MYRIP: variants seen among roughly 807,000 people sequenced by gnomAD.
MYRIP encodes the protein myosin VIIA and Rab interacting protein, also known as rab effector MyRIP.
MYRIP carries 49 observed loss-of-function variants against 98.0 expected under a neutral mutation model. That is an observed-to-expected ratio of 0.50 (90% CI 0.40 to 0.63). MYRIP has a LOEUF of 0.63. MYRIP is among the 30% of genes least tolerant of loss of function. The probability of loss-of-function intolerance (pLI) is 0.00; values close to 1 mark genes in which losing one functional copy is unlikely to be tolerated. For synonymous variants in MYRIP, 404 were observed against 409.5 expected (o/e 0.99, Z 0.16); for missense variants, 1,004 against 1,058.2 (o/e 0.95, Z 0.71).
chr3:40,238,458 T>C (rs1367017265), intron 12 of MYRIP: 1 of 152,206 alleles, frequency 6.6e-6, no homozygotes, highest in African/African-American at 2.4e-5. Context: ...TCCTCCGCTG[T>C]TCTCCATTGT....
intron 2 of MYRIP, among the ~76,000 whole-genome samples, chr3:39,945,717 A>C (rs1415632593): frequency 6.6e-6 from 1 of 152,104 alleles, no homozygotes; most frequent in Non-Finnish European, 1.5e-5. Context: ...GGTTAAAGGA[A>C]AATGACATTA....
intron 1 of MYRIP, among the ~76,000 whole-genome samples, chr3:39,822,481 C>T (rs1488297369): frequency 1.3e-5 from 2 of 151,132 alleles, no homozygotes; most frequent in Non-Finnish European, 2.9e-5. Flanking sequence ...TTTTTTTTCT[C>T]ATCAGCTCTC....
chr3:40,005,275 C>T (rs1372005834), intron 2 of MYRIP, among the ~76,000 whole-genome samples: 3 of 152,216 alleles, frequency 2.0e-5, no homozygotes, highest in African/African-American at 7.2e-5. Context: ...ATATCATAGG[C>T]TCCTGTCTTA....
intron 1 of MYRIP, among the ~76,000 whole-genome samples, chr3:39,814,775 A>G (rs1940840751): frequency 6.6e-6 from 1 of 152,166 alleles, no homozygotes; most frequent in South Asian, 2.1e-4. Flanking sequence ...CTTCAACATG[A>G]ATTTTAGGAT....
chr3:39,897,190 A>C (rs1428384901), intron 1 of MYRIP, among the ~76,000 whole-genome samples: 3 of 152,254 alleles, frequency 2.0e-5, no homozygotes, highest in African/African-American at 7.2e-5. Flanking sequence ...TTATCAAAGA[A>C]AGAGGTTTCT....
At chr3:39,882,764 A>G (rs1943186160) in intron 1 of MYRIP, among the ~76,000 whole-genome samples, 1 of 152,158 alleles carries the variant, frequency 6.6e-6, no homozygotes, top group Non-Finnish European at 1.5e-5. Context: ...GACTTCTAAT[A>G]AATATGGTAT....
At position 39,900,848 on chromosome 3, in the gene MYRIP, C is replaced by A. The variant is rs199787982; in HGVS notation, c.32C>A (p.Thr11Asn). MGRKLDLSGL[T>N]DDETEHVLQV... ...AGGAAGCTGGACCTGTCTGGTTTGA[C>A]TGATGATGAAACAGAGCATGTTCTT... Residue 11 changes from threonine to asparagine, a missense_variant, in exon 2 of 17, where the codon ACT becomes AAT. Transcript: ENST00000302541. 39 of 1,613,722 alleles carry A rather than the reference C, an allele frequency of 2.4e-5. No homozygotes were observed. Among genetic ancestry groups the A allele is most frequent in the Non-Finnish European group, 3.3e-5 (39 of 1,179,984 alleles).
intron 1 of MYRIP, among the ~76,000 whole-genome samples, chr3:39,840,540 C>T (rs1941769845): frequency 6.6e-6 from 1 of 152,120 alleles, no homozygotes; most frequent in South Asian, 2.1e-4. Flanking sequence ...TTATTTTGCC[C>T]ACTAGTTGAT....
intron 1 of MYRIP, among the ~76,000 whole-genome samples, chr3:39,888,982 C>T (rs1475267313): frequency 6.6e-6 from 1 of 152,102 alleles, no homozygotes; most frequent in African/African-American, 2.4e-5. Flanking sequence ...CAATGAGATA[C>T]CATCTCACAC....
At chr3:39,870,138 A>G (rs892866200) in intron 1 of MYRIP, among the ~76,000 whole-genome samples, 1 of 152,208 alleles carries the variant, frequency 6.6e-6, no homozygotes, top group Non-Finnish European at 1.5e-5. Context: ...AGCAGGGGTC[A>G]TTCAGACAGG....
intron 10 of MYRIP, among the ~76,000 whole-genome samples, chr3:40,194,589 TCTG>T (rs150981363): frequency 0.013 from 1,907 of 152,226 alleles, 50 homozygotes; most frequent in African/African-American, 0.043. Context: ...TTTGTTAAAA[TCTG>T]CTCAAGTTGC....
intron 9 of MYRIP, among the ~76,000 whole-genome samples, chr3:40,186,215 T>G (rs1361976872): frequency 6.6e-6 from 1 of 152,072 alleles, no homozygotes; most frequent in Admixed American, 6.5e-5. Flanking sequence ...AGTGACAGAT[T>G]AGAAGGCCCA....
chr3:40,226,497 C>T (rs1286279707), intron 11 of MYRIP, among the ~76,000 whole-genome samples: 1 of 152,226 alleles, frequency 6.6e-6, no homozygotes, highest in Non-Finnish European at 1.5e-5. Flanking sequence ...CACTTACTTT[C>T]TGCCTCCAGT....
intron 3 of MYRIP, among the ~76,000 whole-genome samples, chr3:40,128,984 G>C (rs905462381): frequency 9.9e-5 from 15 of 152,220 alleles, no homozygotes; most frequent in Non-Finnish European, 2.2e-4. Context: ...TATTGTATCT[G>C]AATTTTGAAG....
At chr3:39,832,440 A>G (rs1282907450) in intron 1 of MYRIP, among the ~76,000 whole-genome samples, 1 of 152,198 alleles carries the variant, frequency 6.6e-6, no homozygotes. Context: ...TAGGTCTCAA[A>G]AAAGCTTTTT....
chr3:40,210,580 C>CAGAG (rs1209057041), intron 11 of MYRIP, among the ~76,000 whole-genome samples: 2 of 152,140 alleles, frequency 1.3e-5, no homozygotes, highest in African/African-American at 4.8e-5. Flanking sequence ...CTGCAGTTTT[C>CAGAG]AGATTTCGAT....
At chr3:40,219,458 T>C (rs1952255370) in intron 11 of MYRIP, among the ~76,000 whole-genome samples, 1 of 152,132 alleles carries the variant, frequency 6.6e-6, no homozygotes, top group Non-Finnish European at 1.5e-5. Flanking sequence ...TAGCATTAGG[T>C]ATATCTCCTA....
intron 1 of MYRIP, among the ~76,000 whole-genome samples, chr3:39,878,126 C>T (rs4676529): frequency 0.32 from 47,728 of 151,112 alleles, 7,330 homozygotes; most frequent in Middle Eastern, 0.45. Flanking sequence ...AGCGAGACTC[C>T]GTGGGCGTAG....
intron 11 of MYRIP, among the ~76,000 whole-genome samples, chr3:40,217,357 T>C (rs1042594753): frequency 5.3e-5 from 8 of 152,162 alleles, no homozygotes; most frequent in Non-Finnish European, 1.0e-4. Flanking sequence ...TTTCTAACTA[T>C]GAATTAAAGT....
Sources: gnomAD v4.1 joint callset for allele counts (sites outside exome capture counted in the v4.1 genomes callset) on GRCh38, gnomAD v4.1.1 for gene constraint, MANE v1.5 for transcripts, NCBI Gene and HGNC (gene_info 2026-07-23, HGNC 2026-07-21) for gene names.